The following MICU1 variants were observed in gnomAD, a reference collection of about 807,000 sequenced individuals.
MICU1 encodes the protein mitochondrial calcium uptake 1.
In MICU1, 45 loss-of-function variants were observed where a neutral mutation model predicts 56.8. That is an observed-to-expected ratio of 0.79 (90% CI 0.62 to 1.02). MICU1 has a LOEUF of 1.02. Among genes scored for constraint, MICU1 ranks in the 50% least tolerant of loss-of-function variants. The probability of loss-of-function intolerance (pLI) is 0.00; values close to 1 mark genes in which losing one functional copy is unlikely to be tolerated. For missense variants in MICU1, 504 were observed against 587.1 expected (o/e 0.86, Z 1.46); for synonymous variants, 186 against 195.1 (o/e 0.95, Z 0.39).
chr10:72,383,823 G>A (rs1011613656), intron 10 of MICU1, among the ~76,000 whole-genome samples: 2 of 151,846 alleles, frequency 1.3e-5, no homozygotes, highest in African/African-American at 2.4e-5. Context: ...TTTGAGACAG[G>A]GTCTTGGTTC....
At chr10:72,487,026 T>A (rs915207279) in intron 6 of MICU1, among the ~76,000 whole-genome samples, 5 of 152,176 alleles carry the variant, frequency 3.3e-5, no homozygotes, top group African/African-American at 4.8e-5. Context: ...AAATTTATGG[T>A]GAAGCTTGGG....
At chr10:72,405,830 A>T (rs1863611730) in intron 10 of MICU1, among the ~76,000 whole-genome samples, 1 of 152,106 alleles carries the variant, frequency 6.6e-6, no homozygotes, top group South Asian at 2.1e-4. Flanking sequence ...AAATAACAGA[A>T]AATAATTTTC....
chr10:72,433,719 C>T (rs934618539), intron 8 of MICU1, among the ~76,000 whole-genome samples: 3 of 152,184 alleles, frequency 2.0e-5, no homozygotes, highest in African/African-American at 7.2e-5. Flanking sequence ...CGTGAGGCAC[C>T]GTGCCCAGCC....
intron 8 of MICU1, among the ~76,000 whole-genome samples, chr10:72,460,147 G>T (rs1865599233): frequency 6.6e-6 from 1 of 152,158 alleles, no homozygotes; most frequent in Admixed American, 6.6e-5. Flanking sequence ...TTAGGATAAA[G>T]TGTCCAAATA....
intron 1 of MICU1, among the ~76,000 whole-genome samples, chr10:72,622,836 T>C (rs985230698): frequency 6.6e-6 from 1 of 152,252 alleles, no homozygotes; most frequent in African/African-American, 2.4e-5. Flanking sequence ...TTCTCAAACA[T>C]GCTTATTCAT....
At chr10:72,453,408 G>A (rs1865356337) in intron 8 of MICU1, among the ~76,000 whole-genome samples, 1 of 152,152 alleles carries the variant, frequency 6.6e-6, no homozygotes, top group Admixed American at 6.6e-5. Context: ...CTTTCCAGGT[G>A]GAGAAAAAAA....
At chr10:72,489,165 G>A (rs1214673801) in intron 6 of MICU1, among the ~76,000 whole-genome samples, 2 of 151,624 alleles carry the variant, frequency 1.3e-5, no homozygotes, top group African/African-American at 2.4e-5. Flanking sequence ...TGGCACATGC[G>A]GGTAATCCCA....
chr10:72,569,372 C>A (rs1840549356), intron 1 of MICU1, among the ~76,000 whole-genome samples: 1 of 149,760 alleles, frequency 6.7e-6, no homozygotes, highest in African/African-American at 2.5e-5. Context: ...GTAGCTGGGA[C>A]TACAGGCACA....
chr10:72,448,173 G>GTGTGTGTATA lies in MICU1; in HGVS notation c.934-24803_934-24802insTATACACACA, dbSNP rs1393436881. On this transcript the variant is annotated intron_variant, in intron 8 of 11. Coordinates refer to ENST00000361114, the MANE Select transcript of MICU1 (RefSeq NM_001195518.2). ...TGTCTGTGTGTGTGTATATGTGTGT[G>GTGTGTGTATA]TATATATATATATATATATATTTTT... is the stretch of plus-strand genomic sequence containing the variant. Among the ~76,000 whole-genome samples the GTGTGTGTATA allele has an allele frequency of 1.2e-3, 92 of 77,150 alleles. 5 individuals carry two copies. The highest frequency in any genetic ancestry group is 4.5e-3 in the South Asian group (9 of 2,008). The allele number at this position is 77,150 out of a possible 152,430, so 50.6% of individuals were successfully genotyped here. A position where few individuals can be genotyped will look rare whatever the true frequency, so the allele number is the denominator to read the frequency against.
intron 5 of MICU1, among the ~76,000 whole-genome samples, 187 bp downstream of exon 5, chr10:72,533,559 G>GA (rs1839547288): frequency 6.6e-6 from 1 of 152,118 alleles, no homozygotes; most frequent in Admixed American, 6.5e-5. Context: ...ACCTTACATG[G>GA]AAAAATATAG....
At chr10:72,458,773 G>A (rs553172885) in intron 8 of MICU1, among the ~76,000 whole-genome samples, 5 of 149,062 alleles carry the variant, frequency 3.4e-5, no homozygotes, top group South Asian at 4.2e-4. Context: ...CCAGTGTCAC[G>A]ATCACGGCTC....
intron 5 of MICU1, chr10:72,523,792 T>C: frequency 6.8e-7 from 1 of 1,468,742 alleles, no homozygotes; most frequent in Non-Finnish European, 9.0e-7. Flanking sequence ...AAGATCAATT[T>C]AAAAAGTACC....
At chr10:72,612,645 T>A (rs1171293513) in intron 1 of MICU1, among the ~76,000 whole-genome samples, 2 of 151,922 alleles carry the variant, frequency 1.3e-5, no homozygotes, top group Non-Finnish European at 2.9e-5. Context: ...AAAACAATTT[T>A]AAAAAATTAG....
chr10:72,530,331 A>C (rs1034291), intron 5 of MICU1, among the ~76,000 whole-genome samples: 91,569 of 145,214 alleles, frequency 0.63, 30,223 homozygotes, highest in African/African-American at 0.73. Flanking sequence ...GAAACTCCAT[A>C]TCAAAATAAT....
intron 1 of MICU1, among the ~76,000 whole-genome samples, chr10:72,597,439 T>G (rs1029850504): frequency 1.3e-4 from 20 of 152,206 alleles, no homozygotes; most frequent in African/African-American, 4.8e-4. Context: ...CTTGGGCTTA[T>G]GCATCTAGAA....
chr10:72,582,232 A>G (rs1840919630), intron 1 of MICU1, among the ~76,000 whole-genome samples: 1 of 152,128 alleles, frequency 6.6e-6, no homozygotes, highest in Non-Finnish European at 1.5e-5. Context: ...CCCAGCCCTG[A>G]GTGGTTTTTA....
intron 10 of MICU1, among the ~76,000 whole-genome samples, chr10:72,397,680 CAAAG>C (rs1342399337): frequency 2.0e-5 from 3 of 152,080 alleles, no homozygotes; most frequent in Admixed American, 6.6e-5. Context: ...TCAAAAGAGA[CAAAG>C]AAGGCCATCA....
intron 1 of MICU1, among the ~76,000 whole-genome samples, chr10:72,578,558 C>A (rs1840812700): frequency 1.3e-5 from 2 of 151,880 alleles, no homozygotes; most frequent in African/African-American, 4.8e-5. Flanking sequence ...AGCCACCATG[C>A]CTGGCCCAAT....
intron 5 of MICU1, among the ~76,000 whole-genome samples, chr10:72,530,458 C>T (rs1050918335): frequency 2.4e-4 from 36 of 151,310 alleles, no homozygotes; most frequent in South Asian, 6.3e-4. Flanking sequence ...AGAGAAAATC[C>T]GAACTCTTTC....
Sources: gnomAD v4.1 joint callset for allele counts (sites outside exome capture counted in the v4.1 genomes callset) on GRCh38, gnomAD v4.1.1 for gene constraint, MANE v1.5 for transcripts, NCBI Gene and HGNC (gene_info 2026-07-23, HGNC 2026-07-21) for gene names.